Variants in SNX15 observed in about 807,000 individuals in gnomAD.
The protein encoded by SNX15 is sorting nexin 15.
In SNX15, 29 loss-of-function variants were observed where a neutral mutation model predicts 35.2. The observed-to-expected ratio is 0.82, with a 90% CI of 0.61 to 1.12. The LOEUF (loss-of-function observed/expected upper bound fraction) is 1.12. Ranked by LOEUF, SNX15 falls within the 50% of genes most tolerant of loss-of-function variation. The pLI, the probability that SNX15 is intolerant of heterozygous loss-of-function variation, is 0.00. For missense variants in SNX15, 400 were observed against 451.5 expected (o/e 0.89, Z 1.03); for synonymous variants, 189 against 188.2 (o/e 1.00, Z -0.03).
chr11:65,030,456 G>A (rs1397825549), intron 1 of SNX15, among the ~76,000 whole-genome samples: 1 of 149,534 alleles, frequency 6.7e-6, no homozygotes, highest in Non-Finnish European at 1.5e-5. Context: ...GCCTTCCAAA[G>A]TGTTAGGATT....
chr11:65,027,758 A>C lies in SNX15; in HGVS notation c.99+122A>C, dbSNP rs557481872. The C allele has an allele frequency of 5.5e-6, 4 of 728,610 alleles. No homozygotes were observed. The African/African-American group carries it at 7.1e-5, about 13-fold the overall frequency. 45.1% of individuals were successfully genotyped at this position (728,610 alleles called of 1,614,324 possible). On this transcript the variant is annotated intron_variant, in intron 1 of 7. Coordinates refer to ENST00000377244, the MANE Select transcript of SNX15 (RefSeq NM_013306.5). Reference sequence around the variant, plus strand: ...ACGACAGAAATGGGTTTCCCCTTTAAGGGGAGGTTGCAGTACGAGGCTTAG... The same window carrying C: ...ACGACAGAAATGGGTTTCCCCTTTACGGGGAGGTTGCAGTACGAGGCTTAG...
intron 6 of SNX15, chr11:65,036,488 C>G (rs1053792525): frequency 1.3e-5 from 2 of 152,184 alleles, no homozygotes; most frequent in Non-Finnish European, 2.9e-5. Flanking sequence ...AAGCGATTCT[C>G]CTGCCTCAGC....
At chr11:65,035,244 G>A (rs771854844) in intron 5 of SNX15, 38 bp downstream of exon 5, 148 of 1,513,898 alleles carry the variant, frequency 9.8e-5, no homozygotes, top group Non-Finnish European at 1.2e-4. Flanking sequence ...GGGCTGGAGG[G>A]TGCAGAGTGG....
At position 65,040,030 on chromosome 11, in the gene SNX15, C is replaced by T; in HGVS notation, c.*238C>T. On this transcript the variant is annotated 3_prime_UTR_variant, in exon 8 of 8. Coordinates refer to ENST00000377244, the MANE Select transcript of SNX15 (RefSeq NM_013306.5). ...TTTTGGGGTTTTTTTGAGTTGGAGT[C>T]TCGCTGTGTCGCCCAGACTGGAGTG... 2.2e-6 allele frequency: 1 copy of T among 450,254 alleles called. No homozygotes were observed. Among genetic ancestry groups the T allele is most frequent in the Non-Finnish European group, 4.1e-6 (1 of 245,256 alleles). The allele number at this position is 450,254 out of a possible 1,614,324, so 27.9% of individuals were successfully genotyped here.
At chr11:65,031,356 A>G (rs182572213) in intron 1 of SNX15, among the ~76,000 whole-genome samples, 2 of 152,346 alleles carry the variant, frequency 1.3e-5, no homozygotes, top group African/African-American at 4.8e-5. Flanking sequence ...AAGTACCCCA[A>G]ACCATAGGAC....
At chr11:65,033,492 C>T (rs1590739921) in intron 3 of SNX15, among the ~76,000 whole-genome samples, 1 of 135,404 alleles carries the variant, frequency 7.4e-6, no homozygotes, top group South Asian at 2.4e-4. Context: ...TGCAGTGAGC[C>T]AAGAGTGTGC....
At chr11:65,038,193 G>GGAGCAT (rs1946525648) in intron 6 of SNX15, 1 of 838,282 alleles carries the variant, frequency 1.2e-6, no homozygotes, top group East Asian at 1.1e-4. Context: ...TCCAAGTCTT[G>GGAGCAT]GAGCATTTCT....
rs1946404345 is a variant in SNX15 at position 65,028,776 on chromosome 11, G to A, written c.99+1140G>A. Reference sequence around the variant, plus strand: ...GCTGGGGTGGGGAGGATGTGGCAAGGAACTGTAACCTTTTATTATAAGTCT... The same window carrying A: ...GCTGGGGTGGGGAGGATGTGGCAAGAAACTGTAACCTTTTATTATAAGTCT... On this transcript the variant is annotated intron_variant, in intron 1 of 7. Coordinates refer to ENST00000377244, the MANE Select transcript of SNX15 (RefSeq NM_013306.5). Among the ~76,000 whole-genome samples, 2 of 151,300 alleles carry A rather than the reference G, an allele frequency of 1.3e-5. 1 individual carries two copies. Among genetic ancestry groups the A allele is most frequent in the African/African-American group, 4.9e-5 (2 of 41,208 alleles).
chr11:65,030,572 C>A (rs1194676579), intron 1 of SNX15, among the ~76,000 whole-genome samples: 1 of 148,474 alleles, frequency 6.7e-6, no homozygotes, highest in Non-Finnish European at 1.5e-5. Flanking sequence ...GATCTCAGCT[C>A]ACTGCAACCT....
chr11:65,034,213 G>C (rs1946473526), intron 3 of SNX15, among the ~76,000 whole-genome samples: 1 of 152,080 alleles, frequency 6.6e-6, no homozygotes, highest in Non-Finnish European at 1.5e-5. Flanking sequence ...TTGAGCTCAG[G>C]AGTTCAAGAC....
intron 3 of SNX15, among the ~76,000 whole-genome samples, chr11:65,033,367 AC>A: frequency 6.6e-6 from 1 of 151,360 alleles, no homozygotes; most frequent in East Asian, 2.0e-4. Flanking sequence ...ACGTGGTGAA[AC>A]CCCGTCCCTA....
intron 5 of SNX15, 129 bp from the exon 6 acceptor site, chr11:65,035,391 G>A: frequency 3.9e-6 from 5 of 1,293,626 alleles, no homozygotes; most frequent in Non-Finnish European, 5.3e-6. Context: ...TCTGTAAAAT[G>A]AGCACAAACC....
intron 3 of SNX15, among the ~76,000 whole-genome samples, chr11:65,034,063 A>C (rs549178243): frequency 6.6e-6 from 1 of 152,284 alleles, no homozygotes; most frequent in African/African-American, 2.4e-5. Flanking sequence ...ATGCCAGGCC[A>C]GTGGGGAAGT....
At chr11:65,027,681 G>A in intron 1 of SNX15, 45 bp downstream of exon 1, 2 of 1,440,914 alleles carry the variant, frequency 1.4e-6, no homozygotes, top group East Asian at 2.3e-5. Flanking sequence ...AACTAGAGGG[G>A]CGCCGAGTTT....
At chr11:65,035,958 A>G (rs1326898234) in intron 6 of SNX15, 1 of 321,942 alleles carries the variant, frequency 3.1e-6, no homozygotes, top group Non-Finnish European at 5.7e-6. Flanking sequence ...GCCGGGTCAC[A>G]CTGCTCTGGG....
intron 1 of SNX15, among the ~76,000 whole-genome samples, chr11:65,028,232 A>G (rs926599765): frequency 6.6e-6 from 1 of 152,222 alleles, no homozygotes; most frequent in Non-Finnish European, 1.5e-5. Flanking sequence ...CATGACAATA[A>G]TTAAAAATGA....
chr11:65,035,433 C>T, intron 5 of SNX15, 87 bp from the exon 6 acceptor site: 1 of 1,432,604 alleles, frequency 7.0e-7, no homozygotes, highest in East Asian at 2.3e-5. Flanking sequence ...CCCATGGTTG[C>T]TGCAAGGGTT....
Position 65,039,685 on chromosome 11 carries a change from G to C in SNX15, c.923-1G>C, listed in dbSNP as rs1430004055. The C allele has an allele frequency of 1.2e-6, 2 of 1,610,956 alleles. No individual in the cohort carries two copies. The highest frequency in any genetic ancestry group is 1.3e-5 in the African/African-American group (1 of 74,844). On this transcript the variant is annotated splice_acceptor_variant, in intron 7 of 7. Coordinates refer to ENST00000377244, the MANE Select transcript of SNX15 (RefSeq NM_013306.5). LOFTEE classifies it high-confidence loss of function. ...CTCAGCTGAGCATTCTCTCTCCACA[G>C]GTGACCCGTTGCCTGCCCGCCAGGA...
At chr11:65,031,293 G>T (rs1031572002) in intron 1 of SNX15, among the ~76,000 whole-genome samples, 35 of 152,314 alleles carry the variant, frequency 2.3e-4, no homozygotes, top group Admixed American at 6.5e-4. Flanking sequence ...TAAAGTGCTG[G>T]CATTACAGGT....
Sources: gnomAD v4.1 joint callset for allele counts (sites outside exome capture counted in the v4.1 genomes callset) on GRCh38, gnomAD v4.1.1 for gene constraint, MANE v1.5 for transcripts, NCBI Gene and HGNC (gene_info 2026-07-23, HGNC 2026-07-21) for gene names.